KIT: variants seen among roughly 807,000 people sequenced by gnomAD.
KIT encodes mast/stem cell growth factor receptor Kit.
In KIT, 16 loss-of-function variants were observed where a neutral mutation model predicts 105.7. The ratio of observed to expected loss-of-function variants is 0.15; its 90% CI spans 0.10 to 0.23. The LOEUF is 0.23. Among genes scored for constraint, KIT ranks in the 10% least tolerant of loss-of-function variants. KIT has a pLI of 1.00. For missense variants in KIT, 858 were observed against 1,213.8 expected (o/e 0.71, Z 4.36); for synonymous variants, 438 against 441.1 (o/e 0.99, Z 0.09).
intron 6 of KIT, among the ~76,000 whole-genome samples, chr4:54,708,719 T>C (rs1241711987): frequency 6.6e-6 from 1 of 151,936 alleles, no homozygotes; most frequent in African/African-American, 2.4e-5. Flanking sequence ...GTGTGAGAGT[T>C]GGCACACCGC....
chr4:54,683,926 A>G (rs545076755), intron 1 of KIT, among the ~76,000 whole-genome samples: 1 of 152,234 alleles, frequency 6.6e-6, no homozygotes, highest in Non-Finnish European at 1.5e-5. Flanking sequence ...GCTTCATTGC[A>G]GAGAATGAAG....
At chr4:54,659,353 C>G (rs1044531154) in intron 1 of KIT, among the ~76,000 whole-genome samples, 1 of 152,166 alleles carries the variant, frequency 6.6e-6, no homozygotes, top group Non-Finnish European at 1.5e-5. Context: ...GTGCAGGTCG[C>G]CCAGCTCACC....
At chr4:54,685,469 C>T (rs1719246450) in intron 1 of KIT, among the ~76,000 whole-genome samples, 1 of 152,206 alleles carries the variant, frequency 6.6e-6, no homozygotes, top group African/African-American at 2.4e-5. Context: ...CATAAAGCCA[C>T]CCCTCCCCTT....
intron 1 of KIT, among the ~76,000 whole-genome samples, chr4:54,681,372 A>G (rs1042594260): frequency 2.0e-5 from 3 of 152,068 alleles, no homozygotes; most frequent in Non-Finnish European, 4.4e-5. Context: ...TCAGGGATGG[A>G]TCCCAGTATA....
At chr4:54,723,053 T>A (rs527594789) in intron 7 of KIT, among the ~76,000 whole-genome samples, 1 of 152,092 alleles carries the variant, frequency 6.6e-6, no homozygotes, top group South Asian at 2.1e-4. Flanking sequence ...AATAGAGTGA[T>A]TCGGCTTTTA....
chr4:54,672,659 T>C (rs1424896211), intron 1 of KIT, among the ~76,000 whole-genome samples: 1 of 152,152 alleles, frequency 6.6e-6, no homozygotes, highest in Admixed American at 6.5e-5. Flanking sequence ...TATTCCCCAT[T>C]TTTCTGATGG....
chr4:54,731,866 C>T lies in KIT; in HGVS notation c.2234-5C>T, dbSNP rs2109794784. On this transcript the variant is annotated splice_region_variant and splice_polypyrimidine_tract_variant and intron_variant, in intron 15 of 20. Coordinates refer to ENST00000288135, the MANE Select transcript of KIT (RefSeq NM_000222.3). ...TTGCTAAGAAAAATCCTCTCTTCCTCACAGGCTCATACATAGAAAGAGATG... is the reference window on the plus strand; with the variant it reads ...TTGCTAAGAAAAATCCTCTCTTCCTTACAGGCTCATACATAGAAAGAGATG... 1.2e-6 allele frequency: 2 copies of T among 1,613,208 alleles called. No homozygotes were observed. Among genetic ancestry groups the T allele is most frequent in the South Asian group, 2.2e-5 (2 of 91,046 alleles).
At chr4:54,728,160 G>A in intron 13 of KIT, 39 bp downstream of exon 13, 1 of 1,411,850 alleles carries the variant, frequency 7.1e-7, no homozygotes, top group Non-Finnish European at 1.0e-6. Context: ...TGTCTGTCAG[G>A]TTATCAAAAC....
intron 7 of KIT, among the ~76,000 whole-genome samples, chr4:54,714,071 CTAAT>C (rs1383205695): frequency 2.0e-5 from 3 of 152,124 alleles, no homozygotes; most frequent in Admixed American, 1.3e-4. Flanking sequence ...TTGCATTACT[CTAAT>C]TAACTTTTGG....
intron 16 of KIT, 35 bp from the exon 17 acceptor site, chr4:54,733,035 T>C (rs770449075): frequency 5.6e-6 from 9 of 1,594,530 alleles, no homozygotes; most frequent in Non-Finnish European, 7.7e-6. Flanking sequence ...TTAAAATGAA[T>C]TTAAATGGTT....
rs2109813983 is a variant in KIT at position 54,737,233 on chromosome 4, C to A, written c.2755C>A (p.Gln919Lys). 6.2e-7 allele frequency: 1 copy of A among 1,613,894 alleles called. No homozygotes were observed. Among genetic ancestry groups the A allele is most frequent in the Non-Finnish European group, 8.5e-7 (1 of 1,179,848 alleles). ...ADPLKRPTFKQIVQLIEKQIS... is the reference protein window; with the variant it reads ...ADPLKRPTFKKIVQLIEKQIS... ...TCCCCTAAAAAGACCAACATTCAAG[C>A]AAATTGTTCAGCTAATTGAGAAGCA... Residue 919 changes from glutamine (Q) to lysine (K), a missense_variant, in exon 20 of 21, where the codon CAA becomes AAA. Coordinates refer to ENST00000288135, the MANE Select transcript of KIT (RefSeq NM_000222.3).
intron 16 of KIT, among the ~76,000 whole-genome samples, chr4:54,732,355 G>C (rs1211751084): frequency 6.6e-6 from 1 of 152,110 alleles, no homozygotes; most frequent in African/African-American, 2.4e-5. Flanking sequence ...GCACCTCATA[G>C]TTACAAGGCT....
chr4:54,694,707 G>A (rs950891053), intron 1 of KIT, among the ~76,000 whole-genome samples: 4 of 152,142 alleles, frequency 2.6e-5, no homozygotes, highest in Non-Finnish European at 5.9e-5. Flanking sequence ...ACCCTGAAAT[G>A]TATGTGAGGA....
intron 7 of KIT, among the ~76,000 whole-genome samples, chr4:54,716,527 A>T (rs938138626): frequency 3.3e-5 from 5 of 151,968 alleles, no homozygotes; most frequent in African/African-American, 4.8e-5. Flanking sequence ...ATTTTTTTTT[A>T]AATAAAAATG....
chr4:54,720,969 G>T (rs1173039491), intron 7 of KIT, among the ~76,000 whole-genome samples: 1 of 152,168 alleles, frequency 6.6e-6, no homozygotes. Context: ...GTCACCATTA[G>T]GCTGTTCCCA....
rs1722621198 is a variant in KIT at position 54,731,895 on chromosome 4, C to T, written c.2258C>T (p.Thr753Ile). 1 of 1,613,522 alleles carries T rather than the reference C, an allele frequency of 6.2e-7. No homozygotes were observed. The highest frequency in any genetic ancestry group is 1.3e-5 in the African/African-American group (1 of 74,972). ...RIGSYIERDV[T>I]PAIMEDDELA... ...GGCTCATACATAGAAAGAGATGTGACTCCCGCCATCATGGAGGATGACGAG... is the reference window on the plus strand; with the variant it reads ...GGCTCATACATAGAAAGAGATGTGATTCCCGCCATCATGGAGGATGACGAG... The change falls in exon 16 of 21, where the codon ACT becomes ATT. Residue 753 changes from threonine (T) to isoleucine (I), a missense_variant. Physicochemically the swap from Thr to Ile is moderately conservative, Grantham distance 89. Around this residue, in one of 7 missense-constraint regions of KIT, gnomAD observed 158 missense variants for 218.7 expected, o/e 0.72. Coordinates refer to ENST00000288135, the MANE Select transcript of KIT (RefSeq NM_000222.3).
chr4:54,690,058 T>TGG (rs1184112956), intron 1 of KIT, among the ~76,000 whole-genome samples: 1,818 of 93,558 alleles, frequency 0.019, 63 homozygotes, highest in African/African-American at 0.054. Flanking sequence ...TTTTTTTTTG[T>TGG]GGGGGGGGGG....
At chr4:54,727,095 A>G (rs1461570854) in intron 9 of KIT, 123 bp from the exon 10 acceptor site, 1 of 814,676 alleles carries the variant, frequency 1.2e-6, no homozygotes, top group Admixed American at 1.7e-5. Context: ...TCTGAGACTC[A>G]CATAGCTTTG....
chr4:54,736,889 C>T, intron 19 of KIT, 69 bp downstream of exon 19: 1 of 1,187,556 alleles, frequency 8.4e-7, no homozygotes, highest in Non-Finnish European at 1.2e-6. Flanking sequence ...AGACAGAAAC[C>T]CAGATGTTGA....
Sources: allele counts gnomAD v4.1 joint callset (sites outside exome capture counted in the v4.1 genomes callset), GRCh38; gene constraint gnomAD v4.1.1; regional missense constraint gnomAD v4.1.1; transcripts MANE v1.5; gene names NCBI Gene and HGNC (gene_info 2026-07-23, HGNC 2026-07-21).